Variants in STXBP5L observed in about 807,000 individuals in gnomAD.
STXBP5L encodes syntaxin-binding protein 5-like.
STXBP5L carries 65 observed loss-of-function variants against 144.5 expected under a neutral mutation model. The observed-to-expected ratio is 0.45, with a 90% CI of 0.37 to 0.55. The LOEUF (loss-of-function observed/expected upper bound fraction) is 0.55. Ranked by LOEUF, STXBP5L falls within the 20% of genes least tolerant of loss-of-function variation. The pLI, the probability that STXBP5L is intolerant of heterozygous loss-of-function variation, is 0.00. For missense variants in STXBP5L, 1,298 were observed against 1,405.5 expected, an observed-to-expected ratio of 0.92 and a Z score of 1.22; for synonymous variants, 505 against 469.6, an observed-to-expected ratio of 1.08 and a Z score of -0.97.
intron 3 of STXBP5L, among the ~76,000 whole-genome samples, chr3:121,011,015 T>C (rs1047450414): frequency 1.3e-5 from 2 of 150,804 alleles, no homozygotes; most frequent in African/African-American, 4.9e-5. Context: ...TTATTTGGGT[T>C]CAGTAGGGGA....
chr3:121,044,358 G>T (rs1947363717), intron 4 of STXBP5L, among the ~76,000 whole-genome samples: 1 of 152,062 alleles, frequency 6.6e-6, no homozygotes, highest in Non-Finnish European at 1.5e-5. Flanking sequence ...TATTATAGAA[G>T]GGCATTTAGA....
At chr3:121,048,584 C>T (rs977974498) in intron 5 of STXBP5L, among the ~76,000 whole-genome samples, 42 of 152,054 alleles carry the variant, frequency 2.8e-4, no homozygotes, top group African/African-American at 9.7e-4. Context: ...AGTCATTGAG[C>T]TCTCAGATTC....
chr3:121,180,293 T>A (rs773844835), intron 9 of STXBP5L, among the ~76,000 whole-genome samples: 3 of 152,186 alleles, frequency 2.0e-5, no homozygotes, highest in Admixed American at 2.0e-4. Flanking sequence ...TTAGCCTACT[T>A]AAACAAAATA....
chr3:121,339,294 T>C (rs2044622428), intron 20 of STXBP5L, among the ~76,000 whole-genome samples: 1 of 152,104 alleles, frequency 6.6e-6, no homozygotes, highest in Non-Finnish European at 1.5e-5. Context: ...TGATTCACCA[T>C]GTAAACAGAA....
chr3:121,368,612 C>T (rs1013050589), intron 20 of STXBP5L, among the ~76,000 whole-genome samples: 6 of 151,788 alleles, frequency 4.0e-5, no homozygotes, highest in Admixed American at 3.3e-4. Context: ...ATCATATTTG[C>T]TCCATTTTCT....
chr3:120,988,875 A>T (rs895082783), intron 3 of STXBP5L, among the ~76,000 whole-genome samples: 3 of 152,014 alleles, frequency 2.0e-5, no homozygotes, highest in Non-Finnish European at 2.9e-5. Flanking sequence ...GTTTATGTGT[A>T]CACATTATTT....
chr3:120,975,074 G>T (rs12634397), intron 3 of STXBP5L, among the ~76,000 whole-genome samples: 15,123 of 152,144 alleles, frequency 0.099, 1,181 homozygotes, highest in Admixed American at 0.2. Context: ...TTCCAATTCT[G>T]TGAAGAAAGT....
At chr3:120,940,625 G>A (rs1710518197) in intron 2 of STXBP5L, among the ~76,000 whole-genome samples, 1 of 134,968 alleles carries the variant, frequency 7.4e-6, no homozygotes, top group Admixed American at 8.2e-5. Context: ...ATGAAAATGA[G>A]TCCTAGGGGT....
intron 5 of STXBP5L, among the ~76,000 whole-genome samples, chr3:121,047,110 C>T (rs1576767249): frequency 6.6e-6 from 1 of 151,970 alleles, no homozygotes; most frequent in Non-Finnish European, 1.5e-5. Flanking sequence ...CATTGTTTAC[C>T]CAAAAGTCAT....
chr3:120,980,118 C>T (rs1941593642), intron 3 of STXBP5L, among the ~76,000 whole-genome samples: 2 of 151,996 alleles, frequency 1.3e-5, no homozygotes. Flanking sequence ...GTTTTATTGA[C>T]ACTTGTTTTG....
At chr3:120,963,724 T>C (rs1939175275) in intron 3 of STXBP5L, among the ~76,000 whole-genome samples, 1 of 152,230 alleles carries the variant, frequency 6.6e-6, no homozygotes, top group Non-Finnish European at 1.5e-5. Context: ...GATAGTGGTC[T>C]AAAATTCTCT....
intron 19 of STXBP5L, among the ~76,000 whole-genome samples, chr3:121,297,056 G>T (rs1412879453): frequency 6.6e-6 from 1 of 152,100 alleles, no homozygotes; most frequent in Non-Finnish European, 1.5e-5. Context: ...CTTGGCAAAG[G>T]GGGTATAAAA....
At chr3:120,941,309 C>G (rs546744658) in intron 2 of STXBP5L, among the ~76,000 whole-genome samples, 16 of 151,706 alleles carry the variant, frequency 1.1e-4, no homozygotes, top group African/African-American at 3.4e-4. Flanking sequence ...GTAATAATCA[C>G]TAGATTTAAT....
chr3:121,058,882 A>G (rs1007912350), intron 5 of STXBP5L, among the ~76,000 whole-genome samples: 5 of 152,148 alleles, frequency 3.3e-5, no homozygotes, highest in Non-Finnish European at 7.4e-5. Flanking sequence ...GCCTTTGTCA[A>G]ATGGATAGAT....
chr3:121,379,693 A>G (rs976696615), intron 21 of STXBP5L, among the ~76,000 whole-genome samples: 3 of 152,148 alleles, frequency 2.0e-5, no homozygotes, highest in African/African-American at 7.2e-5. Context: ...GCAGATAATG[A>G]TGTTATTTCT....
chr3:121,287,219 G>A (rs1449834142), intron 19 of STXBP5L, among the ~76,000 whole-genome samples: 1 of 152,136 alleles, frequency 6.6e-6, no homozygotes, highest in Non-Finnish European at 1.5e-5. Flanking sequence ...CATTGTACTG[G>A]AAATTTTAGA....
At chr3:120,959,448 A>G (rs1938473922) in intron 3 of STXBP5L, among the ~76,000 whole-genome samples, 1 of 152,240 alleles carries the variant, frequency 6.6e-6, no homozygotes, top group South Asian at 2.1e-4. Flanking sequence ...TGCCAAGTCA[A>G]TCCTAAGCCA....
At chr3:121,027,627 T>G (rs141621273) in intron 3 of STXBP5L, among the ~76,000 whole-genome samples, 180 of 152,190 alleles carry the variant, frequency 1.2e-3, no homozygotes, top group African/African-American at 4.2e-3. Context: ...TGACACTAAC[T>G]CCCTGTGTCT....
At chr3:121,056,428 T>C (rs1948465708) in intron 5 of STXBP5L, among the ~76,000 whole-genome samples, 1 of 152,178 alleles carries the variant, frequency 6.6e-6, no homozygotes, top group Non-Finnish European at 1.5e-5. Context: ...CTACTTACTA[T>C]CAGAGAATTT....
Sources: allele counts gnomAD v4.1 joint callset (sites outside exome capture counted in the v4.1 genomes callset), GRCh38; gene constraint gnomAD v4.1.1; transcripts MANE v1.5; gene names NCBI Gene and HGNC (gene_info 2026-07-23, HGNC 2026-07-21).